Variants in THSD7B observed in about 807,000 individuals in gnomAD.
The protein encoded by THSD7B is thrombospondin type 1 domain containing 7B.
Under a neutral mutation model 213.6 loss-of-function variants are expected in THSD7B, and 138 were observed. That is an observed-to-expected ratio of 0.65 (90% confidence interval 0.56 to 0.74). The LOEUF is 0.74. THSD7B is among the 30% of genes least tolerant of loss of function. The pLI is 0.00. For missense variants in THSD7B, 1,931 were observed against 1,991.5 expected (o/e 0.97, Z 0.58); for synonymous variants, 742 against 687.0 (o/e 1.08, Z -1.25).
chr2:137,005,407 C>A (rs1288046599), intron 2 of THSD7B, among the ~76,000 whole-genome samples: 1 of 152,206 alleles, frequency 6.6e-6, no homozygotes, highest in Non-Finnish European at 1.5e-5. Flanking sequence ...CTCTGCATTG[C>A]CATCAGTGAA....
intron 2 of THSD7B, among the ~76,000 whole-genome samples, chr2:136,994,490 C>A (rs913168998): frequency 6.6e-6 from 1 of 152,108 alleles, no homozygotes; most frequent in Non-Finnish European, 1.5e-5. Context: ...TGGCATGAAC[C>A]CGGGAGGCGG....
At chr2:137,156,820 C>T (rs780012256) in intron 5 of THSD7B, among the ~76,000 whole-genome samples, 12 of 152,008 alleles carry the variant, frequency 7.9e-5, no homozygotes, top group Non-Finnish European at 8.8e-5. Context: ...AGAGTTGCTC[C>T]GGTTGATTGA....
At chr2:137,110,142 G>T (rs116857042) in intron 4 of THSD7B, among the ~76,000 whole-genome samples, 1 of 152,144 alleles carries the variant, frequency 6.6e-6, no homozygotes, top group East Asian at 1.9e-4. Flanking sequence ...TCCCCACCTG[G>T]TAACTGGTGC....
Position 137,620,661 on chromosome 2 carries a change from T to C in THSD7B, c.3734T>C (p.Val1245Ala), listed in dbSNP as rs1682502628. 3 of 1,613,852 alleles carry C rather than the reference T, an allele frequency of 1.9e-6. No homozygotes were observed. The highest frequency in any genetic ancestry group is 2.7e-5 in the African/African-American group (2 of 74,932). The change falls in exon 20 of 28, where the codon GTG becomes GCG. Residue 1245 changes from valine to alanine, a missense_variant. Val to Ala is a moderately conservative substitution (Grantham distance 64). Coordinates refer to ENST00000409968, the MANE Select transcript of THSD7B (RefSeq NM_001316349.2). ...AGCATTCCCTGCTTGGTGGAATGCG[T>C]GGTCAACTGTCAGCTCTCAGGGTGG... ...RMSIPCLVEC[V>A]VNCQLSGWTA...
intron 27 of THSD7B, among the ~76,000 whole-genome samples, chr2:137,675,403 C>CATATATAT (rs55940004): frequency 1.5e-3 from 176 of 116,472 alleles, no homozygotes; most frequent in African/African-American, 2.3e-3. Context: ...AAATGAATGC[C>CATATATAT]ATATATATAT....
At chr2:137,557,687 T>C (rs528077462) in intron 15 of THSD7B, among the ~76,000 whole-genome samples, 112 of 152,216 alleles carry the variant, frequency 7.4e-4, no homozygotes, top group African/African-American at 2.3e-3. Context: ...ATTCAAAAGC[T>C]AGCAGAAGGC....
intron 15 of THSD7B, among the ~76,000 whole-genome samples, chr2:137,546,808 T>C (rs1262455340): frequency 6.6e-6 from 1 of 151,722 alleles, no homozygotes; most frequent in African/African-American, 2.4e-5. Context: ...TAATTGTTTA[T>C]TGCATGCAGG....
intron 2 of THSD7B, among the ~76,000 whole-genome samples, chr2:136,971,992 C>A (rs565228393): frequency 6.6e-6 from 1 of 152,108 alleles, no homozygotes. Flanking sequence ...AAAGTCCAGA[C>A]ACAGAAAGCA....
chr2:137,246,016 T>G (rs1205930566), intron 10 of THSD7B, among the ~76,000 whole-genome samples: 1 of 152,246 alleles, frequency 6.6e-6, no homozygotes, highest in East Asian at 1.9e-4. Flanking sequence ...TTGGGTTCAT[T>G]AGAAATTTCT....
At chr2:137,670,953 G>A (rs1038577957) in intron 27 of THSD7B, among the ~76,000 whole-genome samples, 5 of 140,786 alleles carry the variant, frequency 3.6e-5, no homozygotes, top group Non-Finnish European at 6.1e-5. Flanking sequence ...AAAAAAAAAT[G>A]CTTGTCTTCT....
chr2:137,619,241 G>A (rs552566474), intron 19 of THSD7B, among the ~76,000 whole-genome samples: 2 of 152,358 alleles, frequency 1.3e-5, no homozygotes, highest in African/African-American at 4.8e-5. Context: ...AAGGGGACCA[G>A]TTAACTCACA....
chr2:136,973,920 A>G (rs1446151049), intron 2 of THSD7B, among the ~76,000 whole-genome samples: 1 of 152,210 alleles, frequency 6.6e-6, no homozygotes, highest in African/African-American at 2.4e-5. Context: ...GCGATAATGC[A>G]TTGTGTAACC....
chr2:137,544,270 TA>T (rs1217454614), intron 15 of THSD7B, among the ~76,000 whole-genome samples: 18 of 151,670 alleles, frequency 1.2e-4, no homozygotes, highest in African/African-American at 4.1e-4. Context: ...ACTATTCAGC[TA>T]CAAAAAATAA....
In THSD7B at chr2:136,827,770, TGA is replaced by T. The variant is rs56349408; in HGVS notation, c.-35-54351_-35-54350del. ...AGATATTTAGAGAGTTACACTGAAA[TGA>T]GAGAGAGAGAGAGAGAGAGAGATTG... On this transcript the variant is annotated intron_variant, in intron 1 of 27. Transcript: ENST00000409968. Among the ~76,000 whole-genome samples the T allele has an allele frequency of 4.7e-3, 688 of 145,434 alleles. 9 individuals are homozygous for T. Among genetic ancestry groups the T allele is most frequent in the Middle Eastern group, 7.2e-3 (2 of 276 alleles).
chr2:137,131,771 T>A (rs1346417183), intron 5 of THSD7B, among the ~76,000 whole-genome samples: 1 of 152,214 alleles, frequency 6.6e-6, no homozygotes, highest in Admixed American at 6.5e-5. Flanking sequence ...CATGCTGTTT[T>A]GGTTACTGCA....
intron 17 of THSD7B, among the ~76,000 whole-genome samples, chr2:137,592,716 A>G (rs377345902): frequency 2.8e-4 from 43 of 152,014 alleles, no homozygotes; most frequent in African/African-American, 9.1e-4. Flanking sequence ...TTTGATGTAT[A>G]TACTTTATAT....
intron 12 of THSD7B, among the ~76,000 whole-genome samples, chr2:137,394,302 G>T (rs1686117912): frequency 8.1e-6 from 1 of 123,862 alleles, no homozygotes. Flanking sequence ...TAGGTCTAAG[G>T]TTTAAGGCTT....
At chr2:137,233,890 T>G (rs7571772) in intron 9 of THSD7B, among the ~76,000 whole-genome samples, 143,683 of 152,174 alleles carry the variant, frequency 0.94, 67,919 homozygotes, top group Middle Eastern at 0.98. Flanking sequence ...CTTGTGACTG[T>G]TCTATCTGGA....
In THSD7B at chr2:137,377,312, A is replaced by G. The variant is rs11884452; in HGVS notation, c.2501-28301A>G. Among the ~76,000 whole-genome samples, 1,501 of 152,344 alleles carry G rather than the reference A, an allele frequency of 9.9e-3. 30 individuals are homozygous for G. The highest frequency in any genetic ancestry group is 0.035 in the African/African-American group (1,451 of 41,574). ...GTCTATTTTGTCCTTAATGGAGGAT[A>G]AAATTTAAAAACAAAATTTTGAAGG... On this transcript the variant is annotated intron_variant, in intron 12 of 27. Transcript: ENST00000409968.
Sources: gnomAD v4.1 joint callset for allele counts (sites outside exome capture counted in the v4.1 genomes callset) on GRCh38, gnomAD v4.1.1 for gene constraint, MANE v1.5 for transcripts, NCBI Gene and HGNC (gene_info 2026-07-23, HGNC 2026-07-21) for gene names.